The following SHISA9 variants were observed in gnomAD, a reference collection of about 807,000 sequenced individuals.
SHISA9 encodes the protein protein shisa-9.
SHISA9 carries 13 observed loss-of-function variants against 38.0 expected under a neutral mutation model. The observed-to-expected ratio is 0.34, with a 90% CI of 0.22 to 0.54. SHISA9 has a LOEUF of 0.54. SHISA9 is among the 20% of genes least tolerant of loss of function. The probability of loss-of-function intolerance (pLI) is 0.91; values close to 1 mark genes in which losing one functional copy is unlikely to be tolerated. For missense variants in SHISA9, 538 were observed against 575.8 expected, an observed-to-expected ratio of 0.93 and a Z score of 0.67; for synonymous variants, 275 against 242.0, an observed-to-expected ratio of 1.14 and a Z score of -1.27.
At chr16:13,532,441 C>T in the SHISA9 span, among the ~76,000 whole-genome samples, 1 of 152,168 alleles carries the variant, frequency 6.6e-6, no homozygotes, top group African/African-American at 2.4e-5. Flanking sequence ...AGGTTCCAGA[C>T]TCAGACTGAC....
the SHISA9 span, among the ~76,000 whole-genome samples, chr16:13,409,938 G>A: frequency 0.33 from 50,385 of 152,192 alleles, 8,656 homozygotes; most frequent in East Asian, 0.51. Flanking sequence ...TCATAGGCAT[G>A]TTGTGAGAAT....
chr16:13,036,889 T>C (rs1290660805), intron 2 of SHISA9, among the ~76,000 whole-genome samples: 1 of 152,100 alleles, frequency 6.6e-6, no homozygotes, highest in Non-Finnish European at 1.5e-5. Flanking sequence ...CTTTAATAAA[T>C]GCCTACTACG....
intron 2 of SHISA9, among the ~76,000 whole-genome samples, chr16:12,964,070 A>C (rs918919428): frequency 6.6e-6 from 1 of 152,242 alleles, no homozygotes; most frequent in African/African-American, 2.4e-5. Flanking sequence ...GGTTTTCATT[A>C]GAACAAATTG....
At chr16:13,078,749 T>C in intron 2 of SHISA9, among the ~76,000 whole-genome samples, 1 of 152,136 alleles carries the variant, frequency 6.6e-6, no homozygotes, top group East Asian at 1.9e-4. Context: ...AACCCTTGGA[T>C]AAGGAGGGCT....
At chr16:12,981,498 G>A (rs1501302) in intron 2 of SHISA9, among the ~76,000 whole-genome samples, 17 of 152,106 alleles carry the variant, frequency 1.1e-4, no homozygotes, top group African/African-American at 3.4e-4. Context: ...AAATCAGCAC[G>A]CAGCCACTCC....
At chr16:13,285,540 G>A in the SHISA9 span, among the ~76,000 whole-genome samples, 1 of 149,300 alleles carries the variant, frequency 6.7e-6, no homozygotes, top group South Asian at 2.1e-4. Context: ...GTATGTGGGT[G>A]GAAGATTTTC....
chr16:13,466,454 A>C, the SHISA9 span, among the ~76,000 whole-genome samples: 1 of 152,172 alleles, frequency 6.6e-6, no homozygotes, highest in Non-Finnish European at 1.5e-5. Flanking sequence ...TAGGACTACA[A>C]ATGGCCCACA....
intron 2 of SHISA9, among the ~76,000 whole-genome samples, chr16:12,921,162 C>T (rs374925932): frequency 3.2e-4 from 49 of 152,314 alleles, no homozygotes; most frequent in African/African-American, 2.4e-4. Context: ...CCGGGTTATG[C>T]GATAACATAA....
chr16:13,347,565 G>A, the SHISA9 span, among the ~76,000 whole-genome samples: 4 of 152,116 alleles, frequency 2.6e-5, no homozygotes, highest in Non-Finnish European at 5.9e-5. Context: ...TCTTTCAAAA[G>A]AGCACTGCAT....
At chr16:13,219,774 G>T (rs1433207145) in intron 4 of SHISA9, among the ~76,000 whole-genome samples, 1 of 152,122 alleles carries the variant, frequency 6.6e-6, no homozygotes, top group African/African-American at 2.4e-5. Context: ...CTGGCCAACA[G>T]AGATGGTGAA....
the SHISA9 span, among the ~76,000 whole-genome samples, chr16:13,523,510 G>A: frequency 6.6e-6 from 1 of 152,168 alleles, no homozygotes; most frequent in African/African-American, 2.4e-5. Context: ...GAGTGTACAG[G>A]AAGCATAGCA....
chr16:12,968,063 G>T (rs2072003674), intron 2 of SHISA9, among the ~76,000 whole-genome samples: 1 of 151,892 alleles, frequency 6.6e-6, no homozygotes, highest in Non-Finnish European at 1.5e-5. Flanking sequence ...GGTGGCACAT[G>T]CTTGTAATCC....
chr16:13,289,363 T>TG, the SHISA9 span, among the ~76,000 whole-genome samples: 61 of 12,656 alleles, frequency 4.8e-3, no homozygotes, highest in Middle Eastern at 0.029. Context: ...TTTTGGTTGG[T>TG]GGGGGGGCGG....
chr16:13,460,988 G>A, the SHISA9 span, among the ~76,000 whole-genome samples: 2 of 152,160 alleles, frequency 1.3e-5, no homozygotes, highest in Non-Finnish European at 2.9e-5. Flanking sequence ...TTCTACTTGT[G>A]TCTTTTGCTG....
the SHISA9 span, among the ~76,000 whole-genome samples, chr16:13,499,175 G>A: frequency 1.3e-5 from 2 of 152,180 alleles, no homozygotes; most frequent in South Asian, 4.1e-4. Context: ...TAACTAAGTT[G>A]ACAGTTTGAT....
At chr16:13,095,410 G>A (rs1370759030) in intron 2 of SHISA9, among the ~76,000 whole-genome samples, 1 of 152,204 alleles carries the variant, frequency 6.6e-6, no homozygotes, top group Non-Finnish European at 1.5e-5. Flanking sequence ...GAAGCAATGA[G>A]TGAAAAAAGG....
chr16:12,942,486 C>T (rs2071624327), intron 2 of SHISA9, among the ~76,000 whole-genome samples: 1 of 152,210 alleles, frequency 6.6e-6, no homozygotes, highest in African/African-American at 2.4e-5. Context: ...AACAGATGCT[C>T]TGAACAGCAG....
chr16:13,222,512 C>G (rs1004827553), intron 4 of SHISA9, among the ~76,000 whole-genome samples: 1 of 152,148 alleles, frequency 6.6e-6, no homozygotes, highest in Non-Finnish European at 1.5e-5. Context: ...TAGGACACAT[C>G]ACTTTTGCTA....
At chr16:13,507,943 T>C in the SHISA9 span, among the ~76,000 whole-genome samples, 113 of 152,344 alleles carry the variant, frequency 7.4e-4, no homozygotes, top group African/African-American at 2.7e-3. Context: ...TGATTGCAAC[T>C]GTAATGCATA....
Sources: allele counts gnomAD v4.1 joint callset (sites outside exome capture counted in the v4.1 genomes callset), GRCh38; gene constraint gnomAD v4.1.1; transcripts MANE v1.5; gene names NCBI Gene and HGNC (gene_info 2026-07-23, HGNC 2026-07-21).